RBFOX1: variants seen among roughly 807,000 people sequenced by gnomAD.
The protein encoded by RBFOX1 is RNA binding protein fox-1 homolog 1.
In RBFOX1, 8 loss-of-function variants were observed where a neutral mutation model predicts 57.7. The ratio of observed to expected loss-of-function variants is 0.14; its 90% CI spans 0.08 to 0.25. The LOEUF is 0.25. RBFOX1 is among the 10% of genes least tolerant of loss of function. RBFOX1 has a pLI of 1.00. For synonymous variants in RBFOX1, 326 were observed against 222.4 expected, an observed-to-expected ratio of 1.47 and a Z score of -4.15; for missense variants, 611 against 548.5, an observed-to-expected ratio of 1.11 and a Z score of -1.14.
intron 2 of RBFOX1, among the ~76,000 whole-genome samples, chr16:6,584,611 C>A (rs2097581197): frequency 6.6e-6 from 1 of 151,818 alleles, no homozygotes. Context: ...TCAAATGATC[C>A]ACCTGCCTTG....
chr16:6,944,465 C>T (rs992702215), intron 3 of RBFOX1, among the ~76,000 whole-genome samples: 1 of 151,932 alleles, frequency 6.6e-6, no homozygotes, highest in Non-Finnish European at 1.5e-5. Flanking sequence ...ACTTCCCTGC[C>T]TTACATGACT....
At chr16:5,798,430 A>G (rs2054949458) in intron 3 of RBFOX1, among the ~76,000 whole-genome samples, 1 of 152,162 alleles carries the variant, frequency 6.6e-6, no homozygotes, top group South Asian at 2.1e-4. Context: ...GAAAGGGTTT[A>G]TTTCCCAGGT....
At chr16:7,130,850 C>G (rs566173264) in intron 4 of RBFOX1, among the ~76,000 whole-genome samples, 2 of 152,212 alleles carry the variant, frequency 1.3e-5, no homozygotes, top group Non-Finnish European at 1.5e-5. Flanking sequence ...CATAATCTAT[C>G]AGGCAATCCT....
chr16:6,912,129 C>A (rs779273096), intron 3 of RBFOX1, among the ~76,000 whole-genome samples: 6 of 152,138 alleles, frequency 3.9e-5, no homozygotes, highest in African/African-American at 1.4e-4. Flanking sequence ...TATTTCAGAA[C>A]TTTACGTTTG....
At chr16:6,700,686 A>T (rs950183226) in intron 3 of RBFOX1, among the ~76,000 whole-genome samples, 6 of 152,168 alleles carry the variant, frequency 3.9e-5, no homozygotes, top group African/African-American at 1.2e-4. Flanking sequence ...ATAATTTTTT[A>T]AAAATTACCA....
At chr16:7,304,871 G>A (rs1367842328) in intron 4 of RBFOX1, among the ~76,000 whole-genome samples, 1 of 151,692 alleles carries the variant, frequency 6.6e-6, no homozygotes. Flanking sequence ...TAATTCAGCT[G>A]ATTTAATAGA....
chr16:5,604,628 C>T (rs2047499782), downstream of RBFOX1, among the ~76,000 whole-genome samples: 1 of 152,188 alleles, frequency 6.6e-6, no homozygotes, highest in South Asian at 2.1e-4. Flanking sequence ...TTAGAAGTAA[C>T]TCGTGGGTCC....
At chr16:5,729,082 A>G (rs971788116) in intron 3 of RBFOX1, among the ~76,000 whole-genome samples, 2 of 152,220 alleles carry the variant, frequency 1.3e-5, no homozygotes, top group Non-Finnish European at 2.9e-5. Context: ...GCAGTGATGT[A>G]TGTTGAGTGC....
At chr16:5,795,589 C>T (rs1483691855) in intron 3 of RBFOX1, among the ~76,000 whole-genome samples, 1 of 152,202 alleles carries the variant, frequency 6.6e-6, no homozygotes, top group South Asian at 2.1e-4. Flanking sequence ...CTGTGCCTAG[C>T]CTGGTCTTCA....
At chr16:6,158,236 T>G (rs2096852587) in intron 1 of RBFOX1, among the ~76,000 whole-genome samples, 1 of 152,222 alleles carries the variant, frequency 6.6e-6, no homozygotes. Flanking sequence ...CTTGGACTTG[T>G]CTGAATCGGT....
At chr16:5,636,507 T>C (rs2048690680) in intron 3 of RBFOX1, among the ~76,000 whole-genome samples, 2 of 152,082 alleles carry the variant, frequency 1.3e-5, no homozygotes, top group South Asian at 4.2e-4. Flanking sequence ...CATTAACGTT[T>C]TATTGGCTGG....
chr16:5,689,606 C>T (rs2050606905), intron 3 of RBFOX1, among the ~76,000 whole-genome samples: 1 of 152,130 alleles, frequency 6.6e-6, no homozygotes, highest in South Asian at 2.1e-4. Flanking sequence ...TCTGCAGAGA[C>T]TGGAGACCTA....
chr16:5,582,289 G>A (rs1346001003), intron 2 of RBFOX1, among the ~76,000 whole-genome samples: 6 of 152,150 alleles, frequency 3.9e-5, no homozygotes, highest in Admixed American at 3.9e-4. Flanking sequence ...TTCACAGCAA[G>A]CTGAGTTAAA....
chr16:6,485,993 A>C (rs902572268), intron 2 of RBFOX1, among the ~76,000 whole-genome samples: 4 of 148,586 alleles, frequency 2.7e-5, no homozygotes, highest in African/African-American at 5.1e-5. Context: ...TTTTGCTCTT[A>C]AAAAGGACCA....
At chr16:7,232,594 C>G (rs77415496) in intron 4 of RBFOX1, among the ~76,000 whole-genome samples, 2,563 of 152,168 alleles carry the variant, frequency 0.017, 66 homozygotes, top group African/African-American at 0.058. Context: ...GTAATCCCAG[C>G]GCTTTGGGAG....
rs2152711001 is a variant in RBFOX1 at position 7,565,001 on chromosome 16, T to A, written c.271-14776T>A. On this transcript the variant is annotated intron_variant, in intron 5 of 15. Coordinates refer to ENST00000550418, the MANE Select transcript of RBFOX1 (RefSeq NM_018723.4). ...GCCAGGCTCGAAATGAGGCATTAACTACATCCAAAGCTGTGTGATTAACTT... is the reference window on the plus strand; with the variant it reads ...GCCAGGCTCGAAATGAGGCATTAACAACATCCAAAGCTGTGTGATTAACTT... Among the ~76,000 whole-genome samples, 2 of 152,258 alleles carry A rather than the reference T, an allele frequency of 1.3e-5. 1 individual carries two copies. Among genetic ancestry groups the A allele is most frequent in the Admixed American group, 1.3e-4 (2 of 15,290 alleles).
chr16:7,148,235 A>T (rs564240224), intron 4 of RBFOX1, among the ~76,000 whole-genome samples: 3 of 152,182 alleles, frequency 2.0e-5, no homozygotes, highest in African/African-American at 2.4e-5. Context: ...AAAACTTTAA[A>T]ACAAATGGAA....
At chr16:5,757,680 T>A (rs917599370) in intron 3 of RBFOX1, among the ~76,000 whole-genome samples, 1 of 152,140 alleles carries the variant, frequency 6.6e-6, no homozygotes, top group Admixed American at 6.5e-5. Flanking sequence ...TGCCACATGC[T>A]TGTGATTTTA....
At chr16:7,509,426 G>GTGTGTGTGTGTGTGTGTGTC (rs1555531504) in intron 4 of RBFOX1, among the ~76,000 whole-genome samples, 9 of 146,492 alleles carry the variant, frequency 6.1e-5, no homozygotes, top group African/African-American at 2.3e-4. Flanking sequence ...GTGTGTGTGT[G>GTGTGTGTGTGTGTGTGTGTC]TGTGTCTGTG....
Sources: gnomAD v4.1 joint callset for allele counts (sites outside exome capture counted in the v4.1 genomes callset) on GRCh38, gnomAD v4.1.1 for gene constraint, MANE v1.5 for transcripts, NCBI Gene and HGNC (gene_info 2026-07-23, HGNC 2026-07-21) for gene names.